The following PTPRD variants were observed in gnomAD, a reference collection of about 807,000 sequenced individuals.
The protein encoded by PTPRD is receptor-type tyrosine-protein phosphatase delta.
PTPRD carries 34 observed loss-of-function variants against 214.5 expected under a neutral mutation model. The ratio of observed to expected loss-of-function variants is 0.16; its 90% confidence interval spans 0.12 to 0.21. The LOEUF is 0.21. Among genes scored for constraint, PTPRD ranks in the 10% least tolerant of loss-of-function variants. The pLI is 1.00. For synonymous variants in PTPRD, 1,128 were observed against 845.7 expected, an observed-to-expected ratio of 1.33 and a Z score of -5.79; for missense variants, 2,545 against 2,398.7, an observed-to-expected ratio of 1.06 and a Z score of -1.27.
At chr9:8,762,380 T>A (rs999071988) in intron 11 of PTPRD, among the ~76,000 whole-genome samples, 2 of 152,170 alleles carry the variant, frequency 1.3e-5, no homozygotes, top group Non-Finnish European at 2.9e-5. Flanking sequence ...CATGGAAATA[T>A]TTAAAGCATG....
chr9:8,633,157 G>C (rs561250985), intron 14 of PTPRD, among the ~76,000 whole-genome samples, 160 bp downstream of exon 14: 1 of 152,060 alleles, frequency 6.6e-6, no homozygotes, highest in Non-Finnish European at 1.5e-5. Context: ...CCCAAAACTA[G>C]AGAAGGTATC....
intron 11 of PTPRD, among the ~76,000 whole-genome samples, chr9:8,808,193 A>G (rs1242055997): frequency 6.6e-6 from 1 of 152,162 alleles, no homozygotes; most frequent in African/African-American, 2.4e-5. Flanking sequence ...AGCACACATG[A>G]GTCAAGGATG....
intron 11 of PTPRD, among the ~76,000 whole-genome samples, chr9:8,918,424 A>T (rs1566991168): frequency 6.6e-6 from 1 of 152,094 alleles, no homozygotes; most frequent in Non-Finnish European, 1.5e-5. Flanking sequence ...TAAACAGTGG[A>T]TTTGAGGGAT....
chr9:10,605,580 C>A (rs966135269), intron 2 of PTPRD, among the ~76,000 whole-genome samples: 2 of 151,530 alleles, frequency 1.3e-5, no homozygotes, highest in African/African-American at 4.8e-5. Context: ...CAGCTTCCAC[C>A]TAGGTTCTAA....
chr9:9,045,837 G>A (rs1317333717), intron 10 of PTPRD, among the ~76,000 whole-genome samples: 1 of 152,132 alleles, frequency 6.6e-6, no homozygotes, highest in Non-Finnish European at 1.5e-5. Flanking sequence ...AAATGCTTGA[G>A]ATATGCAGAC....
At chr9:10,116,208 A>C (rs774073377) in intron 3 of PTPRD, among the ~76,000 whole-genome samples, 4 of 152,108 alleles carry the variant, frequency 2.6e-5, no homozygotes, top group Admixed American at 6.6e-5. Context: ...CATCATCATA[A>C]AGACTCCTTA....
At chr9:8,337,084 A>C (rs909929230) in intron 43 of PTPRD, among the ~76,000 whole-genome samples, 2 of 152,184 alleles carry the variant, frequency 1.3e-5, no homozygotes, top group Non-Finnish European at 2.9e-5. Context: ...TTGACCCAGC[A>C]ATCCCATTAC....
At chr9:9,993,401 A>G (rs1331305357) in intron 4 of PTPRD, among the ~76,000 whole-genome samples, 2 of 152,218 alleles carry the variant, frequency 1.3e-5, no homozygotes, top group Non-Finnish European at 2.9e-5. Flanking sequence ...TGGAAACAAC[A>G]CAAACATTCA....
chr9:9,833,118 A>G (rs1367023095), intron 5 of PTPRD, among the ~76,000 whole-genome samples: 1 of 151,958 alleles, frequency 6.6e-6, no homozygotes, highest in Non-Finnish European at 1.5e-5. Flanking sequence ...TAATAGCAAT[A>G]CAGATATATT....
At chr9:10,331,928 C>CA (rs1293000339) in intron 3 of PTPRD, among the ~76,000 whole-genome samples, 2 of 151,752 alleles carry the variant, frequency 1.3e-5, no homozygotes, top group African/African-American at 4.8e-5. Flanking sequence ...TGAGTTATCT[C>CA]AATGTTCAGG....
At chr9:8,823,770 G>A (rs1231381427) in intron 11 of PTPRD, among the ~76,000 whole-genome samples, 1 of 152,182 alleles carries the variant, frequency 6.6e-6, no homozygotes, top group African/African-American at 2.4e-5. Flanking sequence ...CTAAGGGAGG[G>A]TTATTGGATT....
intron 2 of PTPRD, among the ~76,000 whole-genome samples, chr9:10,484,816 G>T (rs1484926377): frequency 2.0e-5 from 3 of 151,896 alleles, no homozygotes; most frequent in Admixed American, 6.6e-5. Context: ...TATTCTGTGC[G>T]TTGTCTCTTC....
chr9:8,875,574 C>T (rs1566774297), intron 11 of PTPRD, among the ~76,000 whole-genome samples: 1 of 152,090 alleles, frequency 6.6e-6, no homozygotes, highest in Non-Finnish European at 1.5e-5. Flanking sequence ...AGGTAAACAT[C>T]TCAATGAGTA....
intron 2 of PTPRD, among the ~76,000 whole-genome samples, chr9:10,545,744 C>A (rs555231913): frequency 3.4e-4 from 51 of 152,232 alleles, no homozygotes; most frequent in Admixed American, 5.2e-4. Flanking sequence ...TCTGGAAGAA[C>A]CCCAAGCTGA....
intron 27 of PTPRD, among the ~76,000 whole-genome samples, chr9:8,489,405 T>G (rs1000275626): frequency 3.3e-5 from 5 of 152,180 alleles, no homozygotes; most frequent in African/African-American, 1.2e-4. Flanking sequence ...CAGTCTGCTC[T>G]CTATTGCCAA....
chr9:10,074,260 AG>A (rs1567508465), intron 3 of PTPRD, among the ~76,000 whole-genome samples: 2 of 152,106 alleles, frequency 1.3e-5, no homozygotes, highest in African/African-American at 4.8e-5. Context: ...TCATCTCTGC[AG>A]GCTCCTATAG....
intron 11 of PTPRD, among the ~76,000 whole-genome samples, chr9:8,870,925 G>C (rs983147061): frequency 6.6e-6 from 1 of 152,140 alleles, no homozygotes. Flanking sequence ...CCGTATCCTT[G>C]GGCATCCAAA....
intron 5 of PTPRD, among the ~76,000 whole-genome samples, chr9:9,906,020 G>A (rs1458792381): frequency 6.6e-6 from 1 of 151,932 alleles, no homozygotes; most frequent in East Asian, 1.9e-4. Flanking sequence ...GTAACTTGAA[G>A]TACAGCTGAG....
In PTPRD at chr9:9,107,264, C is replaced by T. The variant is rs537731729; in HGVS notation, c.-143+76040G>A. On this transcript the variant is annotated intron_variant, in intron 10 of 45. Transcript: ENST00000381196. ...CATTGATTCTGAAGATACTTGCTGC[C>T]ACACTAAATTCTGCTGCTAGAATAT... is the stretch of plus-strand genomic sequence containing the variant. 1.4e-4 allele frequency among the ~76,000 whole-genome samples: 22 copies of T among 152,122 alleles called. No homozygotes were observed. The South Asian group carries it at 2.7e-3, about 19-fold the overall frequency.
Sources: gnomAD v4.1 joint callset for allele counts (sites outside exome capture counted in the v4.1 genomes callset) on GRCh38, gnomAD v4.1.1 for gene constraint, MANE v1.5 for transcripts, NCBI Gene and HGNC (gene_info 2026-07-23, HGNC 2026-07-21) for gene names.